The following SNX9 variants were observed in gnomAD, a reference collection of about 807,000 sequenced individuals.
SNX9 encodes the protein sorting nexin-9.
A neutral mutation model predicts 89.4 loss-of-function variants in SNX9; 44 were observed. The observed-to-expected ratio is 0.49, with a 90% CI of 0.39 to 0.63. The LOEUF is 0.63. SNX9 is among the 30% of genes least tolerant of loss of function. The pLI is 0.00. For synonymous variants in SNX9, 236 were observed against 247.8 expected (o/e 0.95, Z 0.45); for missense variants, 578 against 736.1 (o/e 0.79, Z 2.49).
At chr6:157,873,780 C>T (rs985033922) in intron 3 of SNX9, among the ~76,000 whole-genome samples, 1 of 151,890 alleles carries the variant, frequency 6.6e-6, no homozygotes, top group African/African-American at 2.4e-5. Flanking sequence ...TCTCCCATTC[C>T]CATAGACAGA....
Position 157,823,418 on chromosome 6 carries a change from CG to C in SNX9, c.-12del, listed in dbSNP as rs1172319620. 8 of 1,248,516 alleles carry C rather than the reference CG, an allele frequency of 6.4e-6. No homozygotes were observed. The highest frequency in any genetic ancestry group is 3.8e-5 in the East Asian group (1 of 26,356). The allele number at this position is 1,248,516 out of a possible 1,614,324, so 77.3% of individuals were successfully genotyped here. A position where few individuals can be genotyped will look rare whatever the true frequency, so the allele number is the denominator to read the frequency against. On this transcript the variant is annotated 5_prime_UTR_variant, in exon 1 of 18. Coordinates refer to ENST00000392185, the MANE Select transcript of SNX9 (RefSeq NM_016224.5). This position sits in a 1 kb window ranked among gnomAD's most constrained non-coding sequence, Gnocchi z 4.6. Reference sequence around the variant, plus strand: ...GGGAGACGAGCCGGCCGTCCCGGGCCGGGGGACCCGCCCGCCATGGCCACCA... The same window carrying C: ...GGGAGACGAGCCGGCCGTCCCGGGCCGGGGACCCGCCCGCCATGGCCACCA...
chr6:157,891,412 C>CA (rs1782858002), intron 4 of SNX9, among the ~76,000 whole-genome samples: 1 of 152,246 alleles, frequency 6.6e-6, no homozygotes, highest in East Asian at 1.9e-4. Flanking sequence ...CAAAAAGACT[C>CA]AATTTAGTCT....
At chr6:157,915,640 A>AATATATATATATATAT (rs1411739606) in intron 9 of SNX9, among the ~76,000 whole-genome samples, 45 of 95,038 alleles carry the variant, frequency 4.7e-4, no homozygotes, top group South Asian at 1.3e-3. Context: ...AAAAAAAAAA[A>AATATATATATATATAT]ATATATATAT....
rs148938573 is a variant in SNX9 at position 157,859,927 on chromosome 6, T to G, written c.13-7620T>G. Among the ~76,000 whole-genome samples, 751 of 152,364 alleles carry G rather than the reference T, an allele frequency of 4.9e-3. 1 individual carries two copies. Among genetic ancestry groups the G allele is most frequent in the Non-Finnish European group, 7.8e-3 (529 of 68,034 alleles). ...CATAATTTTGTTCCGGGTCATGTTATAGGAGTCAGCAAATTTTGGCCCATG... is the reference window on the plus strand; with the variant it reads ...CATAATTTTGTTCCGGGTCATGTTAGAGGAGTCAGCAAATTTTGGCCCATG... On this transcript the variant is annotated intron_variant, in intron 1 of 17. Coordinates refer to ENST00000392185, the MANE Select transcript of SNX9 (RefSeq NM_016224.5).
At chr6:157,921,758 T>C (rs1292470194) in intron 10 of SNX9, 97 bp downstream of exon 10, 1 of 1,359,072 alleles carries the variant, frequency 7.4e-7, no homozygotes, top group African/African-American at 1.5e-5. Flanking sequence ...TGTTGGTTAG[T>C]TATTTCTCAC....
intron 10 of SNX9, chr6:157,924,746 G>T (rs776971733): frequency 2.0e-5 from 3 of 152,254 alleles, no homozygotes; most frequent in African/African-American, 7.2e-5. Flanking sequence ...TCATGTAAAT[G>T]ACTTCCGTAT....
At chr6:157,840,033 C>T (rs559806769) in intron 1 of SNX9, among the ~76,000 whole-genome samples, 1 of 152,228 alleles carries the variant, frequency 6.6e-6, no homozygotes, top group East Asian at 1.9e-4. Context: ...GAAGGTGACA[C>T]TCAGGTAGAG....
At chr6:157,846,204 T>C (rs1250704248) in intron 1 of SNX9, among the ~76,000 whole-genome samples, 1 of 152,278 alleles carries the variant, frequency 6.6e-6, no homozygotes, top group Non-Finnish European at 1.5e-5. Flanking sequence ...GATTCATTCT[T>C]CCATTTTTAT....
At chr6:157,849,012 C>T (rs940826092) in intron 1 of SNX9, among the ~76,000 whole-genome samples, 2 of 152,140 alleles carry the variant, frequency 1.3e-5, no homozygotes, top group South Asian at 2.1e-4. Flanking sequence ...TTTGAGAGAC[C>T]GCAGCAGTAG....
At chr6:157,925,959 C>A (rs1783683464) in intron 10 of SNX9, among the ~76,000 whole-genome samples, 1 of 150,848 alleles carries the variant, frequency 6.6e-6, no homozygotes, top group Non-Finnish European at 1.5e-5. Flanking sequence ...AATGCTGAGT[C>A]CCCACATGGT....
chr6:157,915,640 A>ATATATAT (rs1554296799), intron 9 of SNX9, among the ~76,000 whole-genome samples: 8 of 95,150 alleles, frequency 8.4e-5, no homozygotes, highest in African/African-American at 3.7e-4. Context: ...AAAAAAAAAA[A>ATATATAT]ATATATATAT....
chr6:157,888,637 C>T (rs1583218421), intron 4 of SNX9, among the ~76,000 whole-genome samples: 1 of 143,484 alleles, frequency 7.0e-6, no homozygotes, highest in South Asian at 2.1e-4. Context: ...TTCTCCTTCT[C>T]CTTCTCCTTC....
chr6:157,855,277 T>C (rs1466152802), intron 1 of SNX9, among the ~76,000 whole-genome samples: 1 of 152,246 alleles, frequency 6.6e-6, no homozygotes, highest in African/African-American at 2.4e-5. Flanking sequence ...AGAGATCCCA[T>C]ACTTGATGAA....
In SNX9 at chr6:157,908,833, TA is replaced by T. The variant is rs561131822; in HGVS notation, c.706-830del. On this transcript the variant is annotated intron_variant, in intron 7 of 17. Coordinates refer to ENST00000392185, the MANE Select transcript of SNX9 (RefSeq NM_016224.5). The stretch of plus-strand genomic sequence containing the variant: ...CAACTAAAACCCCAGTGAGCTAGTG[TA>T]AGCCTCGCCTGAATTTGTGAACTTT... Among the ~76,000 whole-genome samples, 18 of 152,332 alleles carry T rather than the reference TA, an allele frequency of 1.2e-4. 1 individual carries two copies. Among genetic ancestry groups the T allele is most frequent in the African/African-American group, 4.1e-4 (17 of 41,562 alleles).
intron 1 of SNX9, among the ~76,000 whole-genome samples, chr6:157,860,594 C>T (rs1782101504): frequency 6.6e-6 from 1 of 152,176 alleles, no homozygotes; most frequent in Non-Finnish European, 1.5e-5. Flanking sequence ...ATATCTTTGT[C>T]TAATTGTTCT....
chr6:157,898,304 C>A (rs570313706), intron 5 of SNX9, among the ~76,000 whole-genome samples: 10 of 152,320 alleles, frequency 6.6e-5, no homozygotes, highest in African/African-American at 1.9e-4. Context: ...GTCACAGATT[C>A]AAACGCTGGG....
intron 9 of SNX9, among the ~76,000 whole-genome samples, chr6:157,919,466 T>C (rs1783539268): frequency 4.3e-5 from 4 of 93,668 alleles, no homozygotes; most frequent in Admixed American, 3.7e-4. Flanking sequence ...TTTTTTCTTC[T>C]GCTACCTTAA....
At chr6:157,858,010 A>G (rs923314109) in intron 1 of SNX9, among the ~76,000 whole-genome samples, 1 of 152,064 alleles carries the variant, frequency 6.6e-6, no homozygotes, top group African/African-American at 2.4e-5. Context: ...CCTTCATGTT[A>G]GGGTCTCACC....
rs1320778591 is a variant in SNX9, at chr6:157,945,016, A to T, written c.*2178A>T. 6.6e-6 allele frequency: 1 copy of T among 152,210 alleles called. No individual in the cohort carries two copies. Among genetic ancestry groups the T allele is most frequent in the Admixed American group, 6.5e-5 (1 of 15,290 alleles). 9.4% of individuals were successfully genotyped at this position (152,210 alleles called of 1,614,324 possible). A position where few individuals can be genotyped will look rare whatever the true frequency, so the allele number is the denominator to read the frequency against. On this transcript the variant is annotated 3_prime_UTR_variant, in exon 18 of 18. Coordinates refer to ENST00000392185, the MANE Select transcript of SNX9 (RefSeq NM_016224.5). Reference sequence around the variant, plus strand: ...TTTTGATTTTTAATGATTTGTATCAACCTGTAGGTACCACAGAAGAGCTGT... The same window carrying T: ...TTTTGATTTTTAATGATTTGTATCATCCTGTAGGTACCACAGAAGAGCTGT...
Sources: gnomAD v4.1 joint callset for allele counts (sites outside exome capture counted in the v4.1 genomes callset) on GRCh38, gnomAD v4.1.1 for gene constraint, Gnocchi (gnomAD v3.1) non-coding constraint, MANE v1.5 for transcripts, NCBI Gene and HGNC (gene_info 2026-07-23, HGNC 2026-07-21) for gene names.